The following SPIDR variants were observed in gnomAD, a reference collection of about 807,000 sequenced individuals.
The protein encoded by SPIDR is scaffold protein involved in DNA repair.
SPIDR carries 93 observed loss-of-function variants against 104.6 expected under a neutral mutation model. That is an observed-to-expected ratio of 0.89 (90% confidence interval 0.75 to 1.06). The LOEUF is 1.06. Ranked by LOEUF, SPIDR falls within the 50% of genes least tolerant of loss-of-function variation. The probability of loss-of-function intolerance (pLI) is 0.00; values close to 1 mark genes in which losing one functional copy is unlikely to be tolerated. For missense variants in SPIDR, 1,154 were observed against 1,111.2 expected (o/e 1.04, Z -0.55); for synonymous variants, 431 against 416.9 (o/e 1.03, Z -0.41).
At chr8:47,370,740 G>A (rs562306414) in intron 5 of SPIDR, among the ~76,000 whole-genome samples, 4 of 151,574 alleles carry the variant, frequency 2.6e-5, no homozygotes, top group Admixed American at 1.3e-4. Flanking sequence ...ATGAGCCACC[G>A]TGCCTGGCCA....
At chr8:47,336,836 T>C (rs554413306) in intron 5 of SPIDR, among the ~76,000 whole-genome samples, 8 of 152,354 alleles carry the variant, frequency 5.3e-5, no homozygotes, top group Non-Finnish European at 1.0e-4. Flanking sequence ...ATTTCACTTT[T>C]TAAGGAACTG....
intron 5 of SPIDR, among the ~76,000 whole-genome samples, chr8:47,385,633 T>C (rs1318359211): frequency 1.3e-5 from 2 of 152,264 alleles, no homozygotes; most frequent in African/African-American, 2.4e-5. Context: ...CCAGGGAGAC[T>C]GATCATCTTG....
intron 11 of SPIDR, among the ~76,000 whole-genome samples, chr8:47,684,357 G>A (rs1053929581): frequency 6.6e-6 from 1 of 152,092 alleles, no homozygotes; most frequent in African/African-American, 2.4e-5. Context: ...TACTCAAGGG[G>A]ACTTGCTGGT....
At chr8:47,364,647 G>C (rs2056839774) in intron 5 of SPIDR, among the ~76,000 whole-genome samples, 1 of 152,068 alleles carries the variant, frequency 6.6e-6, no homozygotes, top group African/African-American at 2.4e-5. Flanking sequence ...GTTTCTTTCA[G>C]TTGCAGCAAA....
At chr8:47,516,287 C>T (rs2083134876) in intron 8 of SPIDR, among the ~76,000 whole-genome samples, 1 of 152,174 alleles carries the variant, frequency 6.6e-6, no homozygotes, top group Non-Finnish European at 1.5e-5. Flanking sequence ...ATATGCATAA[C>T]ATAAAAATTA....
At chr8:47,261,635 C>T (rs548198714) in intron 1 of SPIDR, among the ~76,000 whole-genome samples, 38 of 152,338 alleles carry the variant, frequency 2.5e-4, no homozygotes, top group South Asian at 1.0e-3. Context: ...ATACGTTTGT[C>T]TCATAGTAAA....
At chr8:47,658,593 C>T (rs1407213050) in intron 10 of SPIDR, among the ~76,000 whole-genome samples, 1 of 144,172 alleles carries the variant, frequency 6.9e-6, no homozygotes, top group East Asian at 2.1e-4. Context: ...TTGTTAATCT[C>T]AGCAGCACAA....
At chr8:47,449,458 G>A (rs782487348) in intron 8 of SPIDR, among the ~76,000 whole-genome samples, 1 of 152,172 alleles carries the variant, frequency 6.6e-6, no homozygotes, top group Non-Finnish European at 1.5e-5. Context: ...GAGCCCATGG[G>A]CCTATTCACA....
chr8:47,496,156 TGC>T (rs1478400456), intron 8 of SPIDR, among the ~76,000 whole-genome samples: 1 of 152,190 alleles, frequency 6.6e-6, no homozygotes, highest in Non-Finnish European at 1.5e-5. Flanking sequence ...TTTTACTTCT[TGC>T]TTTTCAATCA....
chr8:47,469,009 G>A (rs1398291753), intron 8 of SPIDR, among the ~76,000 whole-genome samples: 2 of 151,922 alleles, frequency 1.3e-5, no homozygotes, highest in African/African-American at 2.4e-5. Context: ...AAAACAAAAA[G>A]CCTCTTTAAA....
chr8:47,532,400 CTA>C (rs2086178880), intron 8 of SPIDR, among the ~76,000 whole-genome samples: 1 of 152,172 alleles, frequency 6.6e-6, no homozygotes, highest in South Asian at 2.1e-4. Flanking sequence ...TAAAACTCAA[CTA>C]CAAGTTGCCT....
chr8:47,532,063 G>A (rs1166859581), intron 8 of SPIDR, among the ~76,000 whole-genome samples: 2 of 124,124 alleles, frequency 1.6e-5, no homozygotes, highest in African/African-American at 5.9e-5. Context: ...TTGTCAGAGT[G>A]GATTTTTTTT....
intron 8 of SPIDR, among the ~76,000 whole-genome samples, chr8:47,480,345 A>G (rs1564089478): frequency 1.3e-5 from 2 of 152,222 alleles, no homozygotes; most frequent in South Asian, 4.1e-4. Flanking sequence ...AGATACAAAC[A>G]TGTTTGTCTC....
intron 5 of SPIDR, among the ~76,000 whole-genome samples, chr8:47,365,574 G>A (rs2057039669): frequency 1.3e-5 from 2 of 152,160 alleles, no homozygotes; most frequent in South Asian, 2.1e-4. Context: ...TCTTTTGCAT[G>A]TGAAAATGCA....
chr8:47,715,700 C>T (rs943723974), intron 16 of SPIDR, among the ~76,000 whole-genome samples: 1 of 152,174 alleles, frequency 6.6e-6, no homozygotes, highest in Non-Finnish European at 1.5e-5. Flanking sequence ...CATTTCATTG[C>T]ACAGATATGC....
At chr8:47,445,046 T>C (rs1204733138) in intron 8 of SPIDR, among the ~76,000 whole-genome samples, 2 of 152,104 alleles carry the variant, frequency 1.3e-5, no homozygotes, top group Non-Finnish European at 2.9e-5. Context: ...CTTGATATTG[T>C]TAAGTCATCT....
In SPIDR at chr8:47,282,398, T is replaced by A. The variant is rs934896423; in HGVS notation, c.190-1630T>A. ...TCTTTCATCTATATTGAAAGTCTGTTTTTTAGCGTAGCTACCTTCATCAGT... is the reference window on the plus strand; with the variant it reads ...TCTTTCATCTATATTGAAAGTCTGTATTTTAGCGTAGCTACCTTCATCAGT... On this transcript the variant is annotated intron_variant, in intron 2 of 19. Transcript: ENST00000297423. 4.8e-3 allele frequency among the ~76,000 whole-genome samples: 727 copies of A among 152,384 alleles called. 5 individuals carry two copies. The highest frequency in any genetic ancestry group is 0.017 in the African/African-American group (689 of 41,596).
At chr8:47,606,238 G>A (rs958281765) in intron 10 of SPIDR, among the ~76,000 whole-genome samples, 3 of 152,048 alleles carry the variant, frequency 2.0e-5, no homozygotes, top group Non-Finnish European at 4.4e-5. Context: ...CAAAGATCCC[G>A]GCTGGGCACA....
chr8:47,538,593 G>C (rs1340721855), intron 8 of SPIDR, among the ~76,000 whole-genome samples: 2 of 152,014 alleles, frequency 1.3e-5, no homozygotes, highest in Non-Finnish European at 2.9e-5. Context: ...AGACACTGCT[G>C]TTTTTCTTTC....
Sources: allele counts gnomAD v4.1 joint callset (sites outside exome capture counted in the v4.1 genomes callset), GRCh38; gene constraint gnomAD v4.1.1; transcripts MANE v1.5; gene names NCBI Gene and HGNC (gene_info 2026-07-23, HGNC 2026-07-21).